The following ARHGEF7 variants were observed in gnomAD, a reference collection of about 807,000 sequenced individuals.
ARHGEF7 encodes Rho guanine nucleotide exchange factor 7.
In ARHGEF7, 33 loss-of-function variants were observed where a neutral mutation model predicts 109.8. That is an observed-to-expected ratio of 0.30 (90% CI 0.23 to 0.40). The LOEUF (loss-of-function observed/expected upper bound fraction) is 0.40, where lower values mean the gene tolerates loss of function less well. ARHGEF7 is among the 10% of genes least tolerant of loss of function. The pLI, the probability that ARHGEF7 is intolerant of heterozygous loss-of-function variation, is 1.00. For synonymous variants in ARHGEF7, 458 were observed against 424.6 expected (o/e 1.08, Z -0.97); for missense variants, 938 against 1,098.5 (o/e 0.85, Z 2.07).
At chr13:111,245,826 G>A (rs1482761763) in intron 8 of ARHGEF7, among the ~76,000 whole-genome samples, 1 of 152,198 alleles carries the variant, frequency 6.6e-6, no homozygotes, top group Non-Finnish European at 1.5e-5. Context: ...AAAATAAACA[G>A]CAAGTAATAA....
intron 2 of ARHGEF7, among the ~76,000 whole-genome samples, chr13:111,178,251 A>C (rs932737860): frequency 1.3e-5 from 2 of 152,194 alleles, no homozygotes; most frequent in Non-Finnish European, 2.9e-5. Context: ...TGTCCTGGGA[A>C]CCAGCGAGAG....
chr13:111,299,164 A>G (rs1187403833), intron 19 of ARHGEF7, among the ~76,000 whole-genome samples: 1 of 152,084 alleles, frequency 6.6e-6, no homozygotes, highest in East Asian at 1.9e-4. Context: ...AAGGGGCAGC[A>G]CCTGGCCAGT....
chr13:111,186,227 C>T (rs751284301), intron 2 of ARHGEF7, among the ~76,000 whole-genome samples: 24 of 152,154 alleles, frequency 1.6e-4, no homozygotes, highest in Non-Finnish European at 3.2e-4. Flanking sequence ...CGTTGCTGTG[C>T]TCCTGCCTCC....
At position 111,226,054 on chromosome 13, in the gene ARHGEF7, C is replaced by T. The variant is rs1019492204; in HGVS notation, c.671-7151C>T. On this transcript the variant is annotated intron_variant, in intron 5 of 21. Transcript: ENST00000646102. The stretch of plus-strand genomic sequence containing the variant: ...TTGAAGGAAATTATAAGTGCTACTC[C>T]AGTGAACACATGAATGATAAGCAAT... Among the ~76,000 whole-genome samples, 10 of 152,216 alleles carry T rather than the reference C, an allele frequency of 6.6e-5. 1 individual carries two copies. In the South Asian group the frequency reaches 2.1e-3, roughly 31 times the overall value.
chr13:111,282,367 T>C (rs77849849), intron 15 of ARHGEF7, among the ~76,000 whole-genome samples: 2,264 of 152,348 alleles, frequency 0.015, 30 homozygotes, highest in Middle Eastern at 0.041. Flanking sequence ...ATTTAACTTT[T>C]CTCATTTAAC....
chr13:111,253,971 C>T (rs966869665), intron 8 of ARHGEF7, among the ~76,000 whole-genome samples: 3 of 152,292 alleles, frequency 2.0e-5, no homozygotes, highest in East Asian at 1.9e-4. Flanking sequence ...ATGGTTCTGC[C>T]GTGTTCTCTG....
intron 2 of ARHGEF7, among the ~76,000 whole-genome samples, chr13:111,193,587 T>C (rs145652798): frequency 2.0e-4 from 30 of 152,402 alleles, no homozygotes; most frequent in African/African-American, 7.0e-4. Flanking sequence ...ACTTGCTATC[T>C]GTATACACAT....
At chr13:111,256,774 G>A (rs923355141) in intron 8 of ARHGEF7, among the ~76,000 whole-genome samples, 10 of 152,152 alleles carry the variant, frequency 6.6e-5, no homozygotes, top group Admixed American at 6.5e-4. Context: ...CCTGAACGCT[G>A]TAGTTCAGGT....
intron 5 of ARHGEF7, among the ~76,000 whole-genome samples, chr13:111,221,529 A>ATATAGACATATATC (rs2084298720): frequency 2.5e-5 from 1 of 39,498 alleles, no homozygotes; most frequent in Admixed American, 3.9e-4. Context: ...ATATCTATAT[A>ATATAGACATATATC]TATCTATATA....
chr13:111,221,234 G>T (rs59008801), intron 5 of ARHGEF7, among the ~76,000 whole-genome samples: 118 of 31,038 alleles, frequency 3.8e-3, no homozygotes, highest in South Asian at 5.2e-3. Flanking sequence ...TATCTATATA[G>T]ATATATATGT....
intron 14 of ARHGEF7, 29 bp from the exon 15 acceptor site, chr13:111,280,509 T>C: frequency 6.3e-7 from 1 of 1,579,024 alleles, no homozygotes; most frequent in Non-Finnish European, 8.6e-7. Flanking sequence ...GTGTTTCCAC[T>C]CGGCCTATTT....
intron 5 of ARHGEF7, among the ~76,000 whole-genome samples, chr13:111,225,564 C>T (rs1279687899): frequency 1.3e-5 from 2 of 151,400 alleles, no homozygotes; most frequent in African/African-American, 4.9e-5. Flanking sequence ...ACTGTTGGTG[C>T]CATTTTTCCA....
chr13:111,217,939 G>A, intron 5 of ARHGEF7, 59 bp downstream of exon 5: 3 of 1,485,978 alleles, frequency 2.0e-6, no homozygotes, highest in East Asian at 4.8e-5. Context: ...AGAAGTAAAT[G>A]TACTTGACAT....
intron 4 of ARHGEF7, among the ~76,000 whole-genome samples, chr13:111,213,650 A>G (rs1251548671): frequency 1.3e-5 from 2 of 152,106 alleles, no homozygotes; most frequent in Admixed American, 6.5e-5. Flanking sequence ...TCTCAACTGA[A>G]TGATTTAGAT....
At chr13:111,300,895 G>C in intron 20 of ARHGEF7, 48 bp downstream of exon 20, 2 of 1,293,316 alleles carry the variant, frequency 1.5e-6, no homozygotes, top group Non-Finnish European at 2.2e-6. Flanking sequence ...CCTCTGCGGT[G>C]GGGTAGTAGA....
At chr13:111,198,773 G>T (rs1362276496) in intron 2 of ARHGEF7, among the ~76,000 whole-genome samples, 3 of 152,208 alleles carry the variant, frequency 2.0e-5, no homozygotes, top group African/African-American at 7.2e-5. Flanking sequence ...GGTTGCTGCT[G>T]CTGGCTTGGG....
intron 2 of ARHGEF7, chr13:111,203,154 T>C: frequency 8.2e-7 from 1 of 1,217,620 alleles, no homozygotes; most frequent in African/African-American, 1.6e-5. Context: ...CTTTTTGTAG[T>C]ATACAAAATT....
chr13:111,217,073 T>C (rs1053029599), intron 4 of ARHGEF7, among the ~76,000 whole-genome samples: 3 of 152,258 alleles, frequency 2.0e-5, no homozygotes, highest in Non-Finnish European at 4.4e-5. Flanking sequence ...TTGTAGAAAC[T>C]TTTTGGAGGA....
intron 2 of ARHGEF7, among the ~76,000 whole-genome samples, chr13:111,171,512 TACA>T (rs1444314204): frequency 1.3e-5 from 2 of 152,254 alleles, no homozygotes; most frequent in African/African-American, 2.4e-5. Flanking sequence ...TGCTTGAATC[TACA>T]AGTCCTTTCC....
Sources: allele counts gnomAD v4.1 joint callset (sites outside exome capture counted in the v4.1 genomes callset), GRCh38; gene constraint gnomAD v4.1.1; transcripts MANE v1.5; gene names NCBI Gene and HGNC (gene_info 2026-07-23, HGNC 2026-07-21).